Variants in ABRAXAS1 observed in about 807,000 individuals in gnomAD.
ABRAXAS1 encodes the protein abraxas 1, BRCA1 A complex subunit.
A neutral mutation model predicts 38.4 loss-of-function variants in ABRAXAS1; 26 were observed. The observed-to-expected ratio is 0.68, with a 90% CI of 0.50 to 0.94. The LOEUF (loss-of-function observed/expected upper bound fraction) is 0.94. ABRAXAS1 is among the 40% of genes least tolerant of loss of function. The pLI, the probability that ABRAXAS1 is intolerant of heterozygous loss-of-function variation, is 0.00. For missense variants in ABRAXAS1, 438 were observed against 481.9 expected (o/e 0.91, Z 0.85); for synonymous variants, 144 against 165.5 (o/e 0.87, Z 1.00).
At position 83,469,169 on chromosome 4, in the gene ABRAXAS1, T is replaced by G. The variant is rs776009781; in HGVS notation, c.477-18A>C. 1 of 1,609,386 alleles carries G rather than the reference T, an allele frequency of 6.2e-7. No homozygotes were observed. The highest frequency in any genetic ancestry group is 8.5e-7 in the Non-Finnish European group (1 of 1,175,966). On this transcript the variant is annotated intron_variant, in intron 5 of 8. Transcript: ENST00000321945. The stretch of plus-strand genomic sequence containing the variant: ...GAAAAAGTCTGACAAAATAAAACTT[T>G]AGAGTATAAACTTAGAATGAAAAGA...
Position 83,459,718 on chromosome 4 carries a change from T to A in ABRAXAS1, c.*2751A>T, listed in dbSNP as rs1382357411. ...AAATAACAGATACTTTTTTTTCCCC[T>A]CCACATAAAACTCCAAAACAGCTTT... On this transcript the variant is annotated 3_prime_UTR_variant, in exon 9 of 9. Transcript: ENST00000321945. 6.3e-7 allele frequency: 1 copy of A among 1,599,556 alleles called. No homozygotes were observed. Among genetic ancestry groups the A allele is most frequent in the South Asian group, 1.1e-5 (1 of 88,094 alleles).
At chr4:83,466,276 C>T (rs1274605741) in intron 7 of ABRAXAS1, among the ~76,000 whole-genome samples, 1 of 152,124 alleles carries the variant, frequency 6.6e-6, no homozygotes, top group East Asian at 1.9e-4. Flanking sequence ...CTTCTTTATC[C>T]TTCTCAGGCC....
chr4:83,469,629 T>C (rs975609917), intron 5 of ABRAXAS1: 6 of 162,312 alleles, frequency 3.7e-5, no homozygotes, highest in Admixed American at 1.2e-4. Context: ...CTTAGTATAA[T>C]AGTGTGGAAA....
intron 8 of ABRAXAS1, 45 bp from the exon 9 acceptor site, chr4:83,462,947 C>T (rs1464894944): frequency 2.3e-6 from 3 of 1,308,812 alleles, no homozygotes; most frequent in Non-Finnish European, 3.1e-6. Flanking sequence ...ATTTCTTCTA[C>T]AAAGCTTTTA....
Position 83,485,067 on chromosome 4 carries a change from C to T in ABRAXAS1, c.6G>A (p.Glu2=), listed in dbSNP as rs550154981. The part of the protein sequence containing the change: M[E]GESTSAVLSG... ...AGAGCACCGCCGACGTACTCTCCCC[C>T]TCCATGCTACCGCCGCCTCAGGCTA... is the stretch of plus-strand genomic sequence containing the variant. Residue 2 remains glutamate, a synonymous_variant, in exon 1 of 9, where the codon GAG becomes GAA. Coordinates refer to ENST00000321945, the MANE Select transcript of ABRAXAS1 (RefSeq NM_139076.3). 7 of 1,588,040 alleles carry T rather than the reference C, an allele frequency of 4.4e-6. No homozygotes were observed. Among genetic ancestry groups the T allele is most frequent in the East Asian group, 2.4e-5 (1 of 42,142 alleles).
At chr4:83,480,049 T>A in intron 2 of ABRAXAS1, 1 of 201,258 alleles carries the variant, frequency 5.0e-6, no homozygotes, top group South Asian at 6.6e-5. Context: ...GCACATATAG[T>A]AAGATCCCAT....
intron 6 of ABRAXAS1, 123 bp from the exon 7 acceptor site, chr4:83,467,661 T>A (rs1722422985): frequency 3.3e-6 from 2 of 607,424 alleles, no homozygotes; most frequent in Non-Finnish European, 5.8e-6. Context: ...GGAACCATAA[T>A]TTTGTCAATC....
chr4:83,463,455 AT>A (rs2110033898), intron 8 of ABRAXAS1, 38 bp downstream of exon 8: 3 of 1,416,498 alleles, frequency 2.1e-6, no homozygotes, highest in Non-Finnish European at 1.9e-6. Context: ...ATAAATAAAA[AT>A]TTTTAGCACA....
At chr4:83,475,173 T>C (rs1722720899) in intron 3 of ABRAXAS1, among the ~76,000 whole-genome samples, 1 of 152,224 alleles carries the variant, frequency 6.6e-6, no homozygotes, top group African/African-American at 2.4e-5. Flanking sequence ...AAATCCTTTG[T>C]TGGTCCAGAA....
rs150675351 is a variant in ABRAXAS1, at chr4:83,463,923, C to T, written c.682-315G>A. 4.2e-3 allele frequency: 673 copies of T among 159,558 alleles called. 13 individuals carry two copies. The East Asian group carries it at 0.048, about 11-fold the overall frequency. 9.9% of individuals were successfully genotyped at this position (159,558 alleles called of 1,614,324 possible). A position where few individuals can be genotyped will look rare whatever the true frequency, so the allele number is the denominator to read the frequency against. ...CTCATGGGCCAGCTGCGGTGGCTCA[C>T]GCCTGTAATCCCAGCACTTTGGGAG... On this transcript the variant is annotated intron_variant, in intron 7 of 8. Transcript: ENST00000321945.
At position 83,461,762 on chromosome 4, in the gene ABRAXAS1, T is replaced by G. The variant is rs989459128; in HGVS notation, c.*707A>C. The G allele has an allele frequency of 4.4e-6, 1 of 228,324 alleles. No individual in the cohort carries two copies. The highest frequency in any genetic ancestry group is 8.7e-6 in the Non-Finnish European group (1 of 115,164). 14.1% of individuals were successfully genotyped at this position (228,324 alleles called of 1,614,324 possible). A position where few individuals can be genotyped will look rare whatever the true frequency, so the allele number is the denominator to read the frequency against. On this transcript the variant is annotated 3_prime_UTR_variant, in exon 9 of 9. Transcript: ENST00000321945. Reference sequence around the variant, plus strand: ...TACCAGGCTTGTACTGTATTCAAAATGATAGATTTGCTAAATTTCATGCAA... The same window carrying G: ...TACCAGGCTTGTACTGTATTCAAAAGGATAGATTTGCTAAATTTCATGCAA...
intron 2 of ABRAXAS1, chr4:83,477,909 T>C: frequency 2.6e-6 from 2 of 762,980 alleles, no homozygotes; most frequent in Non-Finnish European, 4.7e-6. Context: ...TCAGGGGTGA[T>C]ATTTTCCACT....
In ABRAXAS1 at chr4:83,462,779, G is replaced by C. The variant is rs760360071; in HGVS notation, c.920C>G (p.Ser307Cys). The change falls in exon 9 of 9, where the codon TCT becomes TGT. Residue 307 changes from serine to cysteine, a missense_variant. Physicochemically the swap from Ser to Cys is moderately radical, Grantham distance 112. Transcript: ENST00000321945. ...CVMSLKNRHVSKSSCNYNHHL... is the reference protein window; with the variant it reads ...CVMSLKNRHVCKSSCNYNHHL... ...GTGGTTGTAGTTACAGCTACTTTTA[G>C]AAACATGTCTATTTTTTAAAGACAT... The C allele has an allele frequency of 2.4e-5, 39 of 1,613,796 alleles. No homozygotes were observed. In the South Asian group the frequency reaches 3.7e-4, roughly 15 times the overall value.
chr4:83,470,977 C>A (rs570164982), intron 4 of ABRAXAS1, among the ~76,000 whole-genome samples: 9 of 151,958 alleles, frequency 5.9e-5, no homozygotes, highest in Non-Finnish European at 1.2e-4. Flanking sequence ...AAATAATTCT[C>A]CTTTACTTAA....
intron 8 of ABRAXAS1, 97 bp from the exon 9 acceptor site, chr4:83,462,999 AAC>A: frequency 2.4e-6 from 2 of 818,000 alleles, no homozygotes; most frequent in Non-Finnish European, 3.8e-6. Context: ...AAAAGATTTT[AAC>A]AGTTGTATTA....
At chr4:83,468,052 C>G (rs1722437958) in intron 6 of ABRAXAS1, among the ~76,000 whole-genome samples, 1 of 152,030 alleles carries the variant, frequency 6.6e-6, no homozygotes, top group African/African-American at 2.4e-5. Flanking sequence ...CCTGTAATCC[C>G]AACACTTTGG....
chr4:83,482,086 C>A (rs1723016954), intron 2 of ABRAXAS1, 68 bp downstream of exon 2: 3 of 1,032,230 alleles, frequency 2.9e-6, no homozygotes, highest in Non-Finnish European at 2.9e-6. Flanking sequence ...ACGCTGACCC[C>A]TTTCAGCATA....
intron 1 of ABRAXAS1, among the ~76,000 whole-genome samples, chr4:83,482,795 T>C (rs1307748571): frequency 1.3e-5 from 2 of 152,146 alleles, no homozygotes; most frequent in Admixed American, 1.3e-4. Flanking sequence ...ATTAGCCCTG[T>C]AGCCCTGGGG....
chr4:83,484,552 A>C (rs780619342), intron 1 of ABRAXAS1, among the ~76,000 whole-genome samples: 17 of 152,230 alleles, frequency 1.1e-4, no homozygotes, highest in Non-Finnish European at 1.9e-4. Context: ...ATCGCAACAA[A>C]CACGCACAGA....
Sources: allele counts gnomAD v4.1 joint callset (sites outside exome capture counted in the v4.1 genomes callset), GRCh38; gene constraint gnomAD v4.1.1; transcripts MANE v1.5; gene names NCBI Gene and HGNC (gene_info 2026-07-23, HGNC 2026-07-21).